The following SHLD2 variants were observed in gnomAD, a reference collection of about 807,000 sequenced individuals.
SHLD2 encodes the protein RINN1-REV7-interacting novel NHEJ regulator 2.
A neutral mutation model predicts 73.2 loss-of-function variants in SHLD2; 30 were observed. The observed-to-expected ratio is 0.41, with a 90% CI of 0.31 to 0.56. SHLD2 has a LOEUF of 0.56. Among genes scored for constraint, SHLD2 ranks in the 20% least tolerant of loss-of-function variants. SHLD2 has a pLI of 0.28. For missense variants in SHLD2, 745 were observed against 1,055.9 expected (o/e 0.71, Z 4.08); for synonymous variants, 285 against 370.1 (o/e 0.77, Z 2.64).
Position 87,151,831 on chromosome 10 carries a change from T to A in SHLD2, c.477T>A (p.Cys159Ter), listed in dbSNP as rs1170959235. 5 of 1,611,854 alleles carry A rather than the reference T, an allele frequency of 3.1e-6. No individual in the cohort carries two copies. Among genetic ancestry groups the A allele is most frequent in the Non-Finnish European group, 4.2e-6 (5 of 1,179,770 alleles). Residue 159 changes from cysteine to a stop codon, truncating the protein, a stop_gained, in exon 3 of 10, where the codon TGT becomes TGA. Transcript: ENST00000298786. LOFTEE classifies it high-confidence loss of function. ...AGCCTAAACATCAGCCAGATATATGTGGTAAGAACTTTAACACAAATTTGT... is the reference window on the plus strand; with the variant it reads ...AGCCTAAACATCAGCCAGATATATGAGGTAAGAACTTTAACACAAATTTGT... ...DEQPKHQPDI[C>*]GKNFNTNLFQ...
chr10:87,162,211 T>C (rs923762125), intron 4 of SHLD2, among the ~76,000 whole-genome samples: 4 of 152,158 alleles, frequency 2.6e-5, no homozygotes, highest in African/African-American at 9.7e-5. Flanking sequence ...AGGGAAAGGC[T>C]TTTTCTTAAT....
intron 2 of SHLD2, among the ~76,000 whole-genome samples, chr10:87,100,026 T>C (rs1389436002): frequency 6.6e-6 from 1 of 152,212 alleles, no homozygotes; most frequent in Non-Finnish European, 1.5e-5. Context: ...CCTTACCAGA[T>C]TTGAAAATGT....
chr10:87,146,930 C>T (rs1257365937), intron 2 of SHLD2, among the ~76,000 whole-genome samples: 2 of 151,558 alleles, frequency 1.3e-5, no homozygotes, highest in African/African-American at 4.9e-5. Flanking sequence ...GTGGTGCATG[C>T]CTGTAATCTC....
intron 2 of SHLD2, among the ~76,000 whole-genome samples, chr10:87,112,221 G>A (rs1842971892): frequency 6.8e-6 from 1 of 146,266 alleles, no homozygotes; most frequent in Admixed American, 6.8e-5. Context: ...CTGGGCGACA[G>A]AGCGAGACTC....
At position 87,190,634 on chromosome 10, in the gene SHLD2, T is replaced by C; in HGVS notation, c.2666T>C (p.Leu889Pro). The change falls in exon 10 of 10, where the codon CTG (leucine) becomes CCG (proline). Residue 889 changes from leucine (L) to proline (P), a missense_variant. By Grantham distance (98) the Leu-to-Pro change is moderately conservative. Transcript: ENST00000298786. ...CCATTACAACAAGATTTCTCCCTCC[T>C]GGATTTTTATCCTGACATTGTAAAG... ...SYPLQQDFSL[L>P]DFYPDIVKHG... 6.2e-7 allele frequency: 1 copy of C among 1,611,988 alleles called. No individual in the cohort carries two copies. Among genetic ancestry groups the C allele is most frequent in the Non-Finnish European group, 8.5e-7 (1 of 1,179,834 alleles).
At chr10:87,159,183 C>G (rs193209743) in intron 4 of SHLD2, among the ~76,000 whole-genome samples, 15 of 152,200 alleles carry the variant, frequency 9.9e-5, no homozygotes, top group African/African-American at 3.6e-4. Flanking sequence ...GAATTCCAAT[C>G]TTTGAATTCT....
At chr10:87,167,457 A>AACCAATTTGGTTACTCATTTT (rs1361616798) in intron 4 of SHLD2, among the ~76,000 whole-genome samples, 1 of 152,162 alleles carries the variant, frequency 6.6e-6, no homozygotes, top group Non-Finnish European at 1.5e-5. Flanking sequence ...TGAAAGAGTA[A>AACCAATTTGGTTACTCATTTT]ACCAATTTGG....
At chr10:87,104,080 A>G (rs554648731) in intron 2 of SHLD2, among the ~76,000 whole-genome samples, 1 of 150,444 alleles carries the variant, frequency 6.6e-6, no homozygotes, top group South Asian at 2.1e-4. Flanking sequence ...CAAAAATACA[A>G]AAATCAGCCG....
intron 2 of SHLD2, among the ~76,000 whole-genome samples, chr10:87,098,798 C>T (rs1842076925): frequency 6.6e-6 from 1 of 151,972 alleles, no homozygotes; most frequent in Non-Finnish European, 1.5e-5. Context: ...TTTTTCGAGA[C>T]AGGGTCTCAC....
At chr10:87,142,617 T>C (rs996490149) in intron 2 of SHLD2, among the ~76,000 whole-genome samples, 6 of 152,080 alleles carry the variant, frequency 3.9e-5, no homozygotes, top group African/African-American at 1.4e-4. Flanking sequence ...TGATGAGAAA[T>C]TGGAAGTAGA....
At chr10:87,120,259 T>A (rs1843518112) in intron 2 of SHLD2, among the ~76,000 whole-genome samples, 1 of 145,350 alleles carries the variant, frequency 6.9e-6, no homozygotes, top group African/African-American at 2.8e-5. Flanking sequence ...TATTTATTTA[T>A]TTTTTTGAGA....
chr10:87,102,401 C>T (rs1842326466), intron 2 of SHLD2, among the ~76,000 whole-genome samples: 1 of 152,172 alleles, frequency 6.6e-6, no homozygotes, highest in South Asian at 2.1e-4. Context: ...GGTGAACCAT[C>T]ACCCTGGGTA....
chr10:87,189,162 C>T (rs1283268661), intron 9 of SHLD2, among the ~76,000 whole-genome samples: 7 of 152,076 alleles, frequency 4.6e-5, no homozygotes, highest in African/African-American at 7.2e-5. Flanking sequence ...CCACCATGCC[C>T]GGCTAATTTT....
intron 2 of SHLD2, among the ~76,000 whole-genome samples, chr10:87,127,051 GAC>G (rs1375752914): frequency 6.6e-6 from 1 of 152,060 alleles, no homozygotes; most frequent in Non-Finnish European, 1.5e-5. Flanking sequence ...AAAGTCATCT[GAC>G]ACAGTTACAT....
In SHLD2 at chr10:87,157,970, G is replaced by A. The variant is rs1204168758; in HGVS notation, c.1526-78G>A. 4.0e-5 allele frequency: 49 copies of A among 1,234,512 alleles called. No homozygotes were observed. The South Asian group carries it at 6.7e-4, about 17-fold the overall frequency. The allele number at this position is 1,234,512 out of a possible 1,614,324, so 76.5% of individuals were successfully genotyped here. The stretch of plus-strand genomic sequence containing the variant: ...GCTTGGTATATGGGAGGCATGCATA[G>A]TATTTTGTTGTGACTAGTAGGTTAA... On this transcript the variant is annotated intron_variant, in intron 3 of 9. Coordinates refer to ENST00000298786, the MANE Select transcript of SHLD2 (RefSeq NM_001330112.2).
chr10:87,136,553 C>T (rs924580874), intron 2 of SHLD2, among the ~76,000 whole-genome samples: 1 of 151,876 alleles, frequency 6.6e-6, no homozygotes, highest in Non-Finnish European at 1.5e-5. Flanking sequence ...TGTATATATC[C>T]ACATATCTAT....
intron 2 of SHLD2, among the ~76,000 whole-genome samples, chr10:87,147,072 GAAAA>G (rs76041937): frequency 0.046 from 4,430 of 95,384 alleles, 210 homozygotes; most frequent in Admixed American, 0.15. Context: ...AAAAAAAAAA[GAAAA>G]AAAAAAAAAA....
intron 2 of SHLD2, among the ~76,000 whole-genome samples, chr10:87,122,418 T>G (rs1843696948): frequency 6.6e-6 from 1 of 152,222 alleles, no homozygotes; most frequent in African/African-American, 2.4e-5. Context: ...CCTTTTATTT[T>G]GTTGTTGTTT....
At chr10:87,134,938 C>T (rs958513236) in intron 2 of SHLD2, among the ~76,000 whole-genome samples, 1 of 152,102 alleles carries the variant, frequency 6.6e-6, no homozygotes, top group Admixed American at 6.5e-5. Flanking sequence ...GCAAGGTGTG[C>T]GACTGGAGAG....
Sources: allele counts gnomAD v4.1 joint callset (sites outside exome capture counted in the v4.1 genomes callset), GRCh38; gene constraint gnomAD v4.1.1; transcripts MANE v1.5; gene names NCBI Gene and HGNC (gene_info 2026-07-23, HGNC 2026-07-21).